The following SUPT3H variants were observed in gnomAD, a reference collection of about 807,000 sequenced individuals.
SUPT3H encodes SPT3 homolog, SAGA and STAGA complex component, also known as transcription initiation protein SPT3 homolog.
SUPT3H carries 44 observed loss-of-function variants against 44.3 expected under a neutral mutation model. The ratio of observed to expected loss-of-function variants is 0.99; its 90% CI spans 0.78 to 1.28. The LOEUF (loss-of-function observed/expected upper bound fraction) is 1.28, where lower values mean the gene tolerates loss of function less well. Ranked by LOEUF, SUPT3H falls within the 50% of genes most tolerant of loss-of-function variation. The pLI, the probability that SUPT3H is intolerant of heterozygous loss-of-function variation, is 0.00. For synonymous variants in SUPT3H, 124 were observed against 125.6 expected (o/e 0.99, Z 0.09); for missense variants, 380 against 387.1 (o/e 0.98, Z 0.15).
chr6:45,176,194 G>A (rs1362989419), intron 2 of SUPT3H, among the ~76,000 whole-genome samples: 1 of 151,878 alleles, frequency 6.6e-6, no homozygotes, highest in Non-Finnish European at 1.5e-5. Flanking sequence ...GTGCCAGACA[G>A]TGGGCGCAGG....
At chr6:45,016,561 T>G (rs565517744) in intron 4 of SUPT3H, among the ~76,000 whole-genome samples, 2 of 145,196 alleles carry the variant, frequency 1.4e-5, no homozygotes, top group Non-Finnish European at 3.0e-5. Flanking sequence ...TTCTCATTGT[T>G]GAACTCCCAT....
At chr6:45,284,286 A>G (rs554250056) in intron 2 of SUPT3H, among the ~76,000 whole-genome samples, 5 of 151,778 alleles carry the variant, frequency 3.3e-5, no homozygotes, top group African/African-American at 1.2e-4. Flanking sequence ...AACCCTTCAG[A>G]AAATCAGTGA....
At chr6:45,083,390 C>T (rs1026941755) in intron 3 of SUPT3H, among the ~76,000 whole-genome samples, 6 of 151,950 alleles carry the variant, frequency 3.9e-5, no homozygotes, top group African/African-American at 9.6e-5. Flanking sequence ...CAGGGTTTCA[C>T]CATGTTGGCC....
intron 2 of SUPT3H, among the ~76,000 whole-genome samples, chr6:45,305,859 T>C (rs1339243609): frequency 1.3e-5 from 2 of 152,206 alleles, no homozygotes; most frequent in African/African-American, 4.8e-5. Flanking sequence ...ATCACCTTAG[T>C]GAGCAACTTC....
intron 3 of SUPT3H, chr6:45,099,130 C>A: frequency 2.9e-6 from 1 of 340,432 alleles, no homozygotes. Flanking sequence ...CACCCCCAAC[C>A]CCAGGATTTA....
intron 10 of SUPT3H, among the ~76,000 whole-genome samples, chr6:44,831,816 T>A (rs1768813280): frequency 1.3e-5 from 2 of 152,256 alleles, no homozygotes; most frequent in African/African-American, 4.8e-5. Flanking sequence ...TATAAAATAG[T>A]TCTTATTAGC....
intron 2 of SUPT3H, among the ~76,000 whole-genome samples, chr6:45,187,657 G>A (rs1562646950): frequency 6.6e-6 from 1 of 152,172 alleles, no homozygotes; most frequent in East Asian, 1.9e-4. Context: ...AATAAAGGAT[G>A]AGGGGAAACA....
At chr6:44,850,720 C>A (rs1298214838) in intron 10 of SUPT3H, among the ~76,000 whole-genome samples, 18 of 151,148 alleles carry the variant, frequency 1.2e-4, no homozygotes, top group Admixed American at 1.2e-3. Flanking sequence ...GGAAGCTGGG[C>A]TTATTTTGCT....
At chr6:45,233,715 T>C (rs770583322) in intron 2 of SUPT3H, among the ~76,000 whole-genome samples, 5 of 152,230 alleles carry the variant, frequency 3.3e-5, no homozygotes, top group Non-Finnish European at 7.3e-5. Flanking sequence ...GGTATGATTG[T>C]CTATTTGTAA....
intron 2 of SUPT3H, among the ~76,000 whole-genome samples, chr6:45,295,163 G>A: frequency 6.6e-6 from 1 of 151,876 alleles, no homozygotes; most frequent in South Asian, 2.1e-4. Context: ...ATAGACCAAT[G>A]GAATAGAGAA....
At chr6:44,920,491 G>A (rs1323180347) in intron 10 of SUPT3H, among the ~76,000 whole-genome samples, 1 of 150,470 alleles carries the variant, frequency 6.6e-6, no homozygotes, top group Non-Finnish European at 1.5e-5. Flanking sequence ...GAGCCTGGGA[G>A]ATGGAGGCTG....
rs115375578 is a variant in SUPT3H, at chr6:45,032,421, C to G, written c.187-11789G>C. ...AAGACAAATAGAGAACTATAAAACA[C>G]TATACCTGCATAAGTATTGCTTAGG... On this transcript the variant is annotated intron_variant, in intron 3 of 10. Transcript: ENST00000371459. Among the ~76,000 whole-genome samples, 1,369 of 152,152 alleles carry G rather than the reference C, an allele frequency of 9.0e-3. 11 individuals are homozygous for G. The highest frequency in any genetic ancestry group is 0.013 in the Non-Finnish European group (912 of 68,014).
chr6:45,134,468 T>C (rs949200063), intron 2 of SUPT3H, among the ~76,000 whole-genome samples: 2 of 152,156 alleles, frequency 1.3e-5, no homozygotes, highest in African/African-American at 2.4e-5. Flanking sequence ...TCCATCCCAA[T>C]AGCCCCAAAG....
intron 2 of SUPT3H, among the ~76,000 whole-genome samples, chr6:45,170,000 A>ATG (rs1051749389): frequency 1.3e-5 from 2 of 152,176 alleles, no homozygotes; most frequent in African/African-American, 4.8e-5. Flanking sequence ...GGGGGTGGGA[A>ATG]TGGTCACACA....
intron 2 of SUPT3H, among the ~76,000 whole-genome samples, chr6:45,242,338 C>A (rs1327045222): frequency 6.6e-6 from 1 of 152,146 alleles, no homozygotes; most frequent in East Asian, 1.9e-4. Flanking sequence ...CCTAAGTGTA[C>A]CGAAGAGATA....
chr6:45,018,355 T>A (rs944711737), intron 4 of SUPT3H, among the ~76,000 whole-genome samples: 1 of 151,234 alleles, frequency 6.6e-6, no homozygotes, highest in Non-Finnish European at 1.5e-5. Flanking sequence ...TCCTGCCTAA[T>A]TGCCCTGGCC....
At chr6:45,316,415 CAA>C (rs10712232) in intron 2 of SUPT3H, among the ~76,000 whole-genome samples, 352 of 148,020 alleles carry the variant, frequency 2.4e-3, no homozygotes, top group African/African-American at 5.7e-3. Context: ...CTATAAAAAG[CAA>C]AAAAAAAAAA....
intron 2 of SUPT3H, among the ~76,000 whole-genome samples, chr6:45,175,376 G>C (rs951082335): frequency 8.5e-5 from 13 of 152,252 alleles, no homozygotes; most frequent in African/African-American, 3.1e-4. Flanking sequence ...GGGGAAGCAA[G>C]GCACTTTCTT....
intron 2 of SUPT3H, among the ~76,000 whole-genome samples, chr6:45,203,659 T>G (rs991194780): frequency 1.3e-5 from 2 of 152,218 alleles, no homozygotes; most frequent in Non-Finnish European, 2.9e-5. Context: ...ACACGACATG[T>G]GTTGCTGTGG....
Sources: allele counts gnomAD v4.1 joint callset (sites outside exome capture counted in the v4.1 genomes callset), GRCh38; gene constraint gnomAD v4.1.1; transcripts MANE v1.5; gene names NCBI Gene and HGNC (gene_info 2026-07-23, HGNC 2026-07-21).